CEMIP: variants seen among roughly 807,000 people sequenced by gnomAD.
CEMIP encodes the protein cell migration-inducing and hyaluronan-binding protein.
A neutral mutation model predicts 156.9 loss-of-function variants in CEMIP; 105 were observed. That is an observed-to-expected ratio of 0.67 (90% CI 0.57 to 0.79). The LOEUF (loss-of-function observed/expected upper bound fraction) is 0.79, where lower values mean the gene tolerates loss of function less well. Among genes scored for constraint, CEMIP ranks in the 30% least tolerant of loss-of-function variants. CEMIP has a pLI of 0.00. For missense variants in CEMIP, 1,457 were observed against 1,769.4 expected (o/e 0.82, Z 3.17); for synonymous variants, 676 against 668.4 (o/e 1.01, Z -0.17).
chr15:80,855,667 C>G (rs1897836221), intron 1 of CEMIP, among the ~76,000 whole-genome samples: 1 of 152,130 alleles, frequency 6.6e-6, no homozygotes, highest in Non-Finnish European at 1.5e-5. Flanking sequence ...GGACCATAGG[C>G]ATATGCCACC....
rs1055453150 is a variant in CEMIP at position 80,936,893 on chromosome 15, G to C, written c.3221+8G>C. The stretch of plus-strand genomic sequence containing the variant: ...GCTCATCAACTTCAACAAGTGAGTG[G>C]GTGTCCAGCCAGGAGCAGTGAGCTC... On this transcript the variant is annotated splice_region_variant and intron_variant, in intron 24 of 29. Coordinates refer to ENST00000394685, the MANE Select transcript of CEMIP (RefSeq NM_001293298.2). 1 of 1,613,436 alleles carries C rather than the reference G, an allele frequency of 6.2e-7. No homozygotes were observed. The highest frequency in any genetic ancestry group is 8.5e-7 in the Non-Finnish European group (1 of 1,179,594).
chr15:80,779,578 C>T lies in CEMIP; in HGVS notation c.-212C>T, dbSNP rs1895736549. 6.6e-6 allele frequency: 1 copy of T among 152,170 alleles called. No homozygotes were observed. The highest frequency in any genetic ancestry group is 1.5e-5 in the Non-Finnish European group (1 of 68,062). The allele number at this position is 152,170 out of a possible 1,614,324, so 9.4% of individuals were successfully genotyped here. On this transcript the variant is annotated 5_prime_UTR_variant, in exon 1 of 30. Coordinates refer to ENST00000394685, the MANE Select transcript of CEMIP (RefSeq NM_001293298.2). ...GTCCGGGGCCGCTGCGCTCCTGGCC[C>T]GCGAGGCGTGACACTGTCTCGGCTA...
rs772245449 is a variant in CEMIP at position 80,895,992 on chromosome 15, T to C, written c.1343T>C (p.Met448Thr). 6.8e-6 allele frequency: 11 copies of C among 1,614,078 alleles called. No individual in the cohort carries two copies. The highest frequency in any genetic ancestry group is 1.3e-5 in the African/African-American group (1 of 74,912). ...TLVIASTDYS[M>T]YQAEEFQVLP... ...GTCATTGCCAGTACTGATTACTCCA[T>C]GTACCAGGCAGAAGAGTTCCAGGTG... is the stretch of plus-strand genomic sequence containing the variant. The change falls in exon 12 of 30, where the codon ATG becomes ACG. Residue 448 changes from methionine (M) to threonine (T), a missense_variant. Physicochemically the swap from Met to Thr is moderately conservative, Grantham distance 81. Coordinates refer to ENST00000394685, the MANE Select transcript of CEMIP (RefSeq NM_001293298.2).
At chr15:80,909,403 G>C (rs958928008) in intron 14 of CEMIP, 97 bp downstream of exon 14, 24 of 1,260,368 alleles carry the variant, frequency 1.9e-5, no homozygotes, top group Non-Finnish European at 2.7e-5. Context: ...CAGGGCCTTT[G>C]GGGATTGAAC....
chr15:80,800,172 T>A (rs944563334), intron 1 of CEMIP, among the ~76,000 whole-genome samples: 6 of 151,998 alleles, frequency 3.9e-5, no homozygotes, highest in African/African-American at 1.4e-4. Flanking sequence ...TCACTGCACC[T>A]GGCTGGAAAT....
rs11292269 is a variant in CEMIP at position 80,938,226 on chromosome 15, GA to G, written c.3407+257del. 8.0e-3 allele frequency: 3,187 copies of G among 397,142 alleles called. 81 individuals are homozygous for G. The highest frequency in any genetic ancestry group is 0.056 in the African/African-American group (2,681 of 47,982). The allele number at this position is 397,142 out of a possible 1,614,324, so 24.6% of individuals were successfully genotyped here. ...AATTGTAGGGAATTTACATATTTCA[GA>G]AAAAAAAAAGTGAAGGCAGTAAATC... On this transcript the variant is annotated intron_variant, in intron 25 of 29. Coordinates refer to ENST00000394685, the MANE Select transcript of CEMIP (RefSeq NM_001293298.2).
intron 7 of CEMIP, 57 bp from the exon 8 acceptor site, chr15:80,887,637 G>T: frequency 7.3e-7 from 1 of 1,365,610 alleles, no homozygotes; most frequent in Non-Finnish European, 1.0e-6. Context: ...CCCACACTCT[G>T]TGCAGGTACA....
intron 1 of CEMIP, among the ~76,000 whole-genome samples, chr15:80,807,036 A>G (rs1896530566): frequency 6.6e-6 from 1 of 152,210 alleles, no homozygotes; most frequent in Non-Finnish European, 1.5e-5. Flanking sequence ...TCGGTGATCA[A>G]TGTCAAATCA....
intron 12 of CEMIP, among the ~76,000 whole-genome samples, chr15:80,898,199 C>T (rs1195543476): frequency 1.3e-5 from 2 of 152,176 alleles, no homozygotes; most frequent in African/African-American, 4.8e-5. Context: ...GGCTTTGGAA[C>T]AAGACACCTG....
chr15:80,867,449 C>T (rs1001175944), intron 1 of CEMIP, among the ~76,000 whole-genome samples: 3 of 152,164 alleles, frequency 2.0e-5, no homozygotes, highest in Non-Finnish European at 4.4e-5. Context: ...GGTGTGTTTT[C>T]AAAAGGTAAA....
intron 12 of CEMIP, among the ~76,000 whole-genome samples, chr15:80,901,428 G>C (rs11633917): frequency 6.6e-6 from 1 of 152,052 alleles, no homozygotes; most frequent in Non-Finnish European, 1.5e-5. Flanking sequence ...CTGGCCAGGC[G>C]TGGTGGCTTA....
intron 1 of CEMIP, among the ~76,000 whole-genome samples, chr15:80,856,488 T>A (rs1263925535): frequency 6.6e-6 from 1 of 152,216 alleles, no homozygotes; most frequent in Admixed American, 6.5e-5. Context: ...ACTGTGAGAT[T>A]CTTTCAACTT....
chr15:80,783,775 G>A (rs1253487793), intron 1 of CEMIP, among the ~76,000 whole-genome samples: 5 of 152,120 alleles, frequency 3.3e-5, no homozygotes, highest in African/African-American at 1.2e-4. Context: ...TTTCTTCTCT[G>A]TGCCCTGGCA....
At chr15:80,919,589 G>A (rs1443454801) in intron 14 of CEMIP, among the ~76,000 whole-genome samples, 2 of 152,080 alleles carry the variant, frequency 1.3e-5, no homozygotes, top group Non-Finnish European at 2.9e-5. Context: ...CAAGGCGGGC[G>A]GATCATGAGG....
intron 14 of CEMIP, among the ~76,000 whole-genome samples, chr15:80,913,057 C>T (rs1267340543): frequency 6.6e-6 from 1 of 152,028 alleles, no homozygotes; most frequent in Admixed American, 6.6e-5. Flanking sequence ...GCTGAGAGTG[C>T]CTTAAAGCCT....
At chr15:80,919,524 C>T (rs975536983) in intron 14 of CEMIP, among the ~76,000 whole-genome samples, 1 of 152,200 alleles carries the variant, frequency 6.6e-6, no homozygotes, top group African/African-American at 2.4e-5. Flanking sequence ...TTAAAAGTCA[C>T]CATCCCTGGC....
At position 80,925,696 on chromosome 15, in the gene CEMIP, C is replaced by A. The variant is rs1900634277; in HGVS notation, c.2361C>A (p.Tyr787Ter). The change falls in exon 19 of 30, where the codon TAC becomes TAA. Residue 787 changes from tyrosine (Y) to a stop codon, truncating the protein, a stop_gained. Coordinates refer to ENST00000394685, the MANE Select transcript of CEMIP (RefSeq NM_001293298.2). LOFTEE classifies it high-confidence loss of function. ...EPAIIRHFIA[Y>*]KNQDHGAWLR... Reference sequence around the variant, plus strand: ...CCATCATCAGACACTTCATTGCCTACAAGAACCAGGACCACGGGGCCTGGC... The same window carrying A: ...CCATCATCAGACACTTCATTGCCTAAAAGAACCAGGACCACGGGGCCTGGC... 2 of 1,613,828 alleles carry A rather than the reference C, an allele frequency of 1.2e-6. No individual in the cohort carries two copies. The highest frequency in any genetic ancestry group is 1.7e-6 in the Non-Finnish European group (2 of 1,179,994).
intron 1 of CEMIP, among the ~76,000 whole-genome samples, chr15:80,865,710 A>G (rs1197144745): frequency 6.6e-6 from 1 of 150,396 alleles, no homozygotes; most frequent in Non-Finnish European, 1.5e-5. Context: ...TGTGTGGCCC[A>G]AGACAATTCT....
chr15:80,949,193 T>C lies in CEMIP; in HGVS notation c.*269T>C. On this transcript the variant is annotated 3_prime_UTR_variant, in exon 30 of 30. Coordinates refer to ENST00000394685, the MANE Select transcript of CEMIP (RefSeq NM_001293298.2). ...CAGCCTCTTGGGTGCTTCTCTCCTA[T>C]CTGTGCCTCTTCAGTGGGGGTTTGG... 1 of 497,840 alleles carries C rather than the reference T, an allele frequency of 2.0e-6. No individual in the cohort carries two copies. The highest frequency in any genetic ancestry group is 3.7e-6 in the Non-Finnish European group (1 of 272,310). The allele number at this position is 497,840 out of a possible 1,614,324, so 30.8% of individuals were successfully genotyped here. A position where few individuals can be genotyped will look rare whatever the true frequency, so the allele number is the denominator to read the frequency against.
Sources: allele counts gnomAD v4.1 joint callset (sites outside exome capture counted in the v4.1 genomes callset), GRCh38; gene constraint gnomAD v4.1.1; transcripts MANE v1.5; gene names NCBI Gene and HGNC (gene_info 2026-07-23, HGNC 2026-07-21).